RYR1: variants seen among roughly 807,000 people sequenced by gnomAD.
RYR1 encodes the protein central core disease of muscle.
A neutral mutation model predicts 583.5 loss-of-function variants in RYR1; 342 were observed. The observed-to-expected ratio is 0.59, with a 90% CI of 0.54 to 0.64. The LOEUF is 0.64. Among genes scored for constraint, RYR1 ranks in the 30% least tolerant of loss-of-function variants. RYR1 has a pLI of 0.00. For synonymous variants in RYR1, 2,791 were observed against 2,822.5 expected, an observed-to-expected ratio of 0.99 and a Z score of 0.35; for missense variants, 6,032 against 6,917.2, an observed-to-expected ratio of 0.87 and a Z score of 4.54.
rs1568522275 is a variant in RYR1 at position 38,512,544 on chromosome 19, C to T, written c.9472+61C>T. The stretch of plus-strand genomic sequence containing the variant: ...GTCAGTGTGGCCAACACCACCCATC[C>T]GGGTGCCTGTGAGAGTCCCTGGGTG... On this transcript the variant is annotated intron_variant, in intron 63 of 105. Transcript: ENST00000359596. The surrounding 1 kb of genome is among the most constrained non-coding windows in gnomAD (Gnocchi z 5.1). 4.7e-6 allele frequency: 7 copies of T among 1,486,556 alleles called. No homozygotes were observed. Among genetic ancestry groups the T allele is most frequent in the South Asian group, 1.1e-5 (1 of 88,758 alleles). The allele number at this position is 1,486,556 out of a possible 1,614,324, so 92.1% of individuals were successfully genotyped here.
At chr19:38,576,281 C>T (rs1027958823) in intron 97 of RYR1, among the ~76,000 whole-genome samples, 1 of 151,400 alleles carries the variant, frequency 6.6e-6, no homozygotes, top group Non-Finnish European at 1.5e-5. Context: ...TGGCAAAATG[C>T]CGTCTCTACC....
chr19:38,566,826 A>T, intron 91 of RYR1, 85 bp from the exon 92 acceptor site: 1 of 1,551,974 alleles, frequency 6.4e-7, no homozygotes, highest in Non-Finnish European at 8.7e-7. Context: ...GGGAAATAAG[A>T]GAGAAAGGAG....
At position 38,466,499 on chromosome 19, in the gene RYR1, A is replaced by G. The variant is rs10451435; in HGVS notation, c.3178+101A>G. ...CTGACTCAGCCCCCAAATGGGCTATATCTTTTTTTTTTTTTTTTTTTTTGA... is the reference window on the plus strand; with the variant it reads ...CTGACTCAGCCCCCAAATGGGCTATGTCTTTTTTTTTTTTTTTTTTTTTGA... On this transcript the variant is annotated intron_variant, in intron 24 of 105. Coordinates refer to ENST00000359596, the MANE Select transcript of RYR1 (RefSeq NM_000540.3). 2.7e-3 allele frequency: 2,376 copies of G among 875,032 alleles called. 43 individuals are homozygous for G. The African/African-American group carries it at 0.038, about 14-fold the overall frequency. 54.2% of individuals were successfully genotyped at this position (875,032 alleles called of 1,614,324 possible). A position where few individuals can be genotyped will look rare whatever the true frequency, so the allele number is the denominator to read the frequency against.
At chr19:38,577,501 A>G (rs533039878) in intron 97 of RYR1, among the ~76,000 whole-genome samples, 3 of 152,118 alleles carry the variant, frequency 2.0e-5, no homozygotes, top group African/African-American at 7.2e-5. Context: ...AATGCTGTAG[A>G]AAAAAACAAA....
chr19:38,519,439 A>G lies in RYR1; in HGVS notation c.10244A>G (p.Tyr3415Cys), dbSNP rs1971123467. ...GCCCTGTATCCGCTGCTCATCCGCTACGTGGACAACAACAGGTCAGCGGGG... is the reference window on the plus strand; with the variant it reads ...GCCCTGTATCCGCTGCTCATCCGCTGCGTGGACAACAACAGGTCAGCGGGG... ...LYALYPLLIR[Y>C]VDNNRAQWLT... is the part of the protein sequence containing the mutation. Residue 3415 changes from tyrosine (Y) to cysteine (C), a missense_variant, in exon 67 of 106, where the codon TAC (tyrosine) becomes TGC (cysteine). Coordinates refer to ENST00000359596, the MANE Select transcript of RYR1 (RefSeq NM_000540.3). The G allele has an allele frequency of 1.3e-6, 2 of 1,597,856 alleles. No individual in the cohort carries two copies. The highest frequency in any genetic ancestry group is 1.7e-6 in the Non-Finnish European group (2 of 1,173,332).
At chr19:38,566,448 C>CAAAAAAAAAAAA (rs71165563) in intron 91 of RYR1, among the ~76,000 whole-genome samples, 1 of 51,068 alleles carries the variant, frequency 2.0e-5, no homozygotes, top group East Asian at 5.5e-4. Flanking sequence ...GACTCTGTCT[C>CAAAAAAAAAAAA]AAAAAAAAAA....
At chr19:38,546,411 C>T (rs1428379518) in intron 87 of RYR1, 34 bp from the exon 88 acceptor site, 1 of 1,594,578 alleles carries the variant, frequency 6.3e-7, no homozygotes, top group East Asian at 2.2e-5. Flanking sequence ...GAGGTGTATG[C>T]TGAGACCAGC....
rs886044196 is a variant in RYR1, at chr19:38,585,027, G to A, written c.14731G>A (p.Glu4911Lys). ...EIEDPAGDEY[E>K]LYRVVFDITF... ...CGAGGACCCCGCGGGTGACGAATAC[G>A]AGCTCTACAGGGTGGTCTTCGACAT... The change falls in exon 102 of 106, where the codon GAG becomes AAG. Residue 4911 changes from glutamate (E) to lysine (K), a missense_variant. By Grantham distance (56) the Glu-to-Lys change is moderately conservative (BLOSUM62 1). Coordinates refer to ENST00000359596, the MANE Select transcript of RYR1 (RefSeq NM_000540.3). 6.2e-7 allele frequency: 1 copy of A among 1,614,028 alleles called. No homozygotes were observed. Among genetic ancestry groups the A allele is most frequent in the Non-Finnish European group, 8.5e-7 (1 of 1,179,988 alleles).
intron 3 of RYR1, among the ~76,000 whole-genome samples, chr19:38,443,207 C>T (rs1010134358): frequency 7.2e-5 from 11 of 152,148 alleles, no homozygotes; most frequent in East Asian, 1.9e-4. Context: ...CCAGAGTACA[C>T]GGAACACGAG....
intron 100 of RYR1, 88 bp downstream of exon 100, chr19:38,580,216 C>T (rs1279787720): frequency 6.2e-7 from 1 of 1,603,330 alleles, no homozygotes; most frequent in Non-Finnish European, 8.5e-7. Context: ...GGCAGCTGGG[C>T]TGAGGAGGGG....
chr19:38,480,436 G>C (rs542709105), intron 31 of RYR1, among the ~76,000 whole-genome samples: 1 of 151,988 alleles, frequency 6.6e-6, no homozygotes, highest in Non-Finnish European at 1.5e-5. Flanking sequence ...AAGCCACTGC[G>C]CCTGGCTTGT....
chr19:38,475,530 T>C (rs1600737345), intron 29 of RYR1, 80 bp downstream of exon 29: 7 of 1,570,148 alleles, frequency 4.5e-6, no homozygotes. Context: ...AGTGTGACAG[T>C]CCCCAGTAGC....
At chr19:38,491,638 C>G (rs1244300701) in intron 37 of RYR1, among the ~76,000 whole-genome samples, 1 of 152,018 alleles carries the variant, frequency 6.6e-6, no homozygotes, top group East Asian at 1.9e-4. Flanking sequence ...CCATATTGCC[C>G]AGGCTGGTCT....
intron 13 of RYR1, among the ~76,000 whole-genome samples, chr19:38,453,827 G>A (rs1052347457): frequency 3.3e-5 from 5 of 151,924 alleles, no homozygotes; most frequent in Admixed American, 1.3e-4. Context: ...TGGGGGAGTG[G>A]GAGGAAATGA....
rs746848608 is a variant in RYR1, at chr19:38,500,964, A to C, written c.7588A>C (p.Met2530Leu). Residue 2530 changes from methionine to leucine, a missense_variant, in exon 47 of 106, where the codon ATG becomes CTG. Met to Leu is a conservative substitution (Grantham distance 15, BLOSUM62 2). Around this residue, in one of 11 missense-constraint regions of RYR1, gnomAD observed 2,627 missense variants for 2,961.3 expected, o/e 0.89. Coordinates refer to ENST00000359596, the MANE Select transcript of RYR1 (RefSeq NM_000540.3). This position sits in a 1 kb window ranked among gnomAD's most constrained non-coding sequence, Gnocchi z 5.9. ...HVLDVGFLPD[M>L]RAAASLDTAT... ...GCTGGACGTGGGGTTCCTGCCCGAC[A>C]TGAGGGCAGCCGCCTCGCTGGACAC... is the stretch of plus-strand genomic sequence containing the variant. 3.7e-6 allele frequency: 6 copies of C among 1,612,324 alleles called. No homozygotes were observed. Among genetic ancestry groups the C allele is most frequent in the Non-Finnish European group, 5.1e-6 (6 of 1,179,562 alleles).
chr19:38,565,114 C>A lies in RYR1; in HGVS notation c.12780C>A (p.Asp4260Glu), dbSNP rs1431560796. The A allele has an allele frequency of 6.5e-7, 1 of 1,541,468 alleles. No homozygotes were observed. Among genetic ancestry groups the A allele is most frequent in the Non-Finnish European group, 8.7e-7 (1 of 1,147,426 alleles). Residue 4260 changes from aspartate (D) to glutamate (E), a missense_variant, in exon 91 of 106, where the codon GAC (aspartate) becomes GAA (glutamate). This residue lies in a region of RYR1 where 753 missense variants were observed against 759.6 expected (regional missense o/e 0.99). Coordinates refer to ENST00000359596, the MANE Select transcript of RYR1 (RefSeq NM_000540.3). The surrounding 1 kb of genome is among the most constrained non-coding windows in gnomAD (Gnocchi z 4.7). ...ISEPEGEPET[D>E]EDEGAGAAEA... ...AGCCCGAGGGCGAGCCGGAGACCGACGAGGACGAGGGCGCGGGCGCGGCGG... is the reference window on the plus strand; with the variant it reads ...AGCCCGAGGGCGAGCCGGAGACCGAAGAGGACGAGGGCGCGGGCGCGGCGG...
chr19:38,549,275 T>C (rs1008529998), intron 89 of RYR1, among the ~76,000 whole-genome samples: 3 of 152,098 alleles, frequency 2.0e-5, no homozygotes, highest in Non-Finnish European at 4.4e-5. Context: ...CTCTGTAAAA[T>C]GGGGATAGGA....
chr19:38,487,782 C>T (rs1201799448), intron 34 of RYR1, among the ~76,000 whole-genome samples: 2 of 152,260 alleles, frequency 1.3e-5, no homozygotes, highest in East Asian at 3.9e-4. Context: ...TACAGGTGTG[C>T]ACTACCATGC....
intron 95 of RYR1, 147 bp from the exon 96 acceptor site, chr19:38,573,030 C>T (rs71356814): frequency 7.5e-7 from 1 of 1,330,762 alleles, no homozygotes; most frequent in Non-Finnish European, 1.1e-6. Context: ...AGCCCTCTGC[C>T]TGGGCCTCAT....
Sources: allele counts gnomAD v4.1 joint callset (sites outside exome capture counted in the v4.1 genomes callset), GRCh38; gene constraint gnomAD v4.1.1; regional missense constraint gnomAD v4.1.1; non-coding constraint Gnocchi (gnomAD v3.1); transcripts MANE v1.5; gene names NCBI Gene and HGNC (gene_info 2026-07-23, HGNC 2026-07-21).